The following SLC39A11 variants were observed in gnomAD, a reference collection of about 807,000 sequenced individuals.
SLC39A11 encodes the protein solute carrier family 39 member 11.
SLC39A11 carries 33 observed loss-of-function variants against 36.1 expected under a neutral mutation model. The observed-to-expected ratio is 0.91, with a 90% CI of 0.69 to 1.22. The LOEUF (loss-of-function observed/expected upper bound fraction) is 1.22. SLC39A11 is among the 50% of genes most tolerant of loss of function. The pLI, the probability that SLC39A11 is intolerant of heterozygous loss-of-function variation, is 0.00. For missense variants in SLC39A11, 432 were observed against 430.3 expected (o/e 1.00, Z -0.03); for synonymous variants, 166 against 170.3 (o/e 0.97, Z 0.20).
At chr17:73,050,552 C>T (rs529854766) in intron 3 of SLC39A11, among the ~76,000 whole-genome samples, 2 of 151,472 alleles carry the variant, frequency 1.3e-5, no homozygotes, top group East Asian at 1.9e-4. Flanking sequence ...CAACCTCTGC[C>T]TCCCGAGTTC....
intron 4 of SLC39A11, among the ~76,000 whole-genome samples, chr17:73,018,248 A>T (rs8075919): frequency 6.6e-6 from 1 of 152,072 alleles, no homozygotes; most frequent in Non-Finnish European, 1.5e-5. Flanking sequence ...AATATACAAT[A>T]AAAAATTACT....
At chr17:73,037,970 C>T (rs2058975249) in intron 3 of SLC39A11, among the ~76,000 whole-genome samples, 1 of 152,266 alleles carries the variant, frequency 6.6e-6, no homozygotes. Flanking sequence ...CGCCCATAAT[C>T]CAAGCACTTT....
At chr17:72,917,139 C>A (rs201697976) in intron 5 of SLC39A11, among the ~76,000 whole-genome samples, 1 of 152,202 alleles carries the variant, frequency 6.6e-6, no homozygotes, top group Non-Finnish European at 1.5e-5. Context: ...GATACCAATG[C>A]CAGTTCATAA....
Position 73,031,631 on chromosome 17 carries a change from G to A in SLC39A11, c.231C>T (p.Ala77=), listed in dbSNP as rs1598933138. The change falls in exon 4 of 10, where the codon GCC becomes GCT. Residue 77 remains alanine (A), a synonymous_variant. Transcript: ENST00000255559. ...ATSSGGFGAF[A]FFPVAVGFTL... is the part of the protein sequence containing the mutation. ...TGAAGCCAACAGCCACAGGGAAGAA[G>A]GCAAAGGCACCGAAGCCCCCAGAGG... 6.2e-7 allele frequency: 1 copy of A among 1,614,058 alleles called. No individual in the cohort carries two copies. Among genetic ancestry groups the A allele is most frequent in the African/African-American group, 1.3e-5 (1 of 74,914 alleles).
intron 6 of SLC39A11, among the ~76,000 whole-genome samples, chr17:72,802,590 CA>C (rs56050103): frequency 0.47 from 52,862 of 112,486 alleles, 12,275 homozygotes; most frequent in Middle Eastern, 0.6. Flanking sequence ...AACTCCATCT[CA>C]AAAAAAAAAA....
chr17:72,714,765 G>T (rs2143406897), intron 7 of SLC39A11, among the ~76,000 whole-genome samples: 1 of 152,356 alleles, frequency 6.6e-6, no homozygotes, highest in East Asian at 1.9e-4. Flanking sequence ...CTGTCAGGAA[G>T]GCGGATGACA....
intron 6 of SLC39A11, among the ~76,000 whole-genome samples, chr17:72,747,995 A>T (rs74253719): frequency 1.3e-5 from 2 of 152,204 alleles, no homozygotes; most frequent in East Asian, 3.8e-4. Context: ...TGAAAAATAG[A>T]AGTGTTCTAG....
chr17:73,092,462 T>G (rs961800889), intron 1 of SLC39A11, 149 bp downstream of exon 1: 2 of 141,632 alleles, frequency 1.4e-5, no homozygotes, highest in African/African-American at 5.1e-5. Context: ...GCCTCCAATT[T>G]CTCCTCCAAA....
rs142978250 is a variant in SLC39A11 at position 72,656,638 on chromosome 17, G to A, written c.672-7370C>T. Among the ~76,000 whole-genome samples the A allele has an allele frequency of 4.2e-3, 635 of 152,150 alleles. 2 individuals are homozygous for A. The highest frequency in any genetic ancestry group is 0.015 in the African/African-American group (605 of 41,506). On this transcript the variant is annotated intron_variant, in intron 7 of 9. Coordinates refer to ENST00000255559, the MANE Select transcript of SLC39A11 (RefSeq NM_139177.4). ...AGAGCAGCCCTGACAGGCCTCTCCC[G>A]GGGAGGTCTGTCTGCAGGGGCTGCC...
At position 72,957,680 on chromosome 17, in the gene SLC39A11, G is replaced by A. The variant is rs185430626; in HGVS notation, c.307-9805C>T. 8.0e-4 allele frequency among the ~76,000 whole-genome samples: 122 copies of A among 152,266 alleles called. 1 individual carries two copies. Among genetic ancestry groups the A allele is most frequent in the Admixed American group, 7.6e-3 (116 of 15,292 alleles). On this transcript the variant is annotated intron_variant, in intron 4 of 9. Transcript: ENST00000255559. ...CTAAAAATATAAAAATCAGCCAGGC[G>A]TGGTAGTGCACACTTGTAGTCCCAG...
chr17:72,807,620 A>AT (rs1467671506), intron 6 of SLC39A11, among the ~76,000 whole-genome samples: 6 of 152,210 alleles, frequency 3.9e-5, no homozygotes, highest in Admixed American at 2.6e-4. Flanking sequence ...ACAAGAAGAT[A>AT]TGATGAGTTT....
intron 3 of SLC39A11, among the ~76,000 whole-genome samples, chr17:73,080,662 A>G (rs2060478703): frequency 1.3e-5 from 2 of 152,208 alleles, no homozygotes; most frequent in African/African-American, 4.8e-5. Context: ...AAGCTTCTGT[A>G]GGTCAGGCAC....
At chr17:72,911,307 C>T (rs67913395) in intron 5 of SLC39A11, among the ~76,000 whole-genome samples, 77,307 of 151,234 alleles carry the variant, frequency 0.51, 19,718 homozygotes, top group African/African-American at 0.54. Context: ...AGGAGATATA[C>T]CTAATGTTAA....
intron 3 of SLC39A11, among the ~76,000 whole-genome samples, chr17:73,040,090 C>A (rs1306101358): frequency 2.0e-5 from 3 of 152,100 alleles, no homozygotes; most frequent in Non-Finnish European, 4.4e-5. Flanking sequence ...TAGCATTCCC[C>A]GATATTCTGA....
intron 6 of SLC39A11, among the ~76,000 whole-genome samples, chr17:72,819,959 T>C (rs2077708971): frequency 6.6e-6 from 1 of 151,122 alleles, no homozygotes; most frequent in African/African-American, 2.4e-5. Flanking sequence ...CTAGGCCCTG[T>C]GTTCCCTCTG....
At position 73,088,689 on chromosome 17, in the gene SLC39A11, C is replaced by T. The variant is rs375622892; in HGVS notation, c.76G>A (p.Ala26Thr). The change falls in exon 2 of 10, where the codon GCA becomes ACA. Residue 26 changes from alanine to threonine, a missense_variant. By Grantham distance (58) the Ala-to-Thr change is moderately conservative. Transcript: ENST00000255559. ...FFTWGMTAAG[A>T]ALVFVFSSGQ... ...CTAGAGAATACGAACACGAGAGCTGCCCCAGCTGCTGTCATCCCCCAGGTG... is the reference window on the plus strand; with the variant it reads ...CTAGAGAATACGAACACGAGAGCTGTCCCAGCTGCTGTCATCCCCCAGGTG... The T allele has an allele frequency of 1.2e-6, 2 of 1,612,696 alleles. No individual in the cohort carries two copies. The highest frequency in any genetic ancestry group is 1.7e-6 in the Non-Finnish European group (2 of 1,179,400).
chr17:72,779,497 G>T (rs1275535706), intron 6 of SLC39A11, among the ~76,000 whole-genome samples: 1 of 152,148 alleles, frequency 6.6e-6, no homozygotes, highest in African/African-American at 2.4e-5. Context: ...GGACCTCCCA[G>T]ACATCCTGGG....
At chr17:72,801,361 T>C (rs761115239) in intron 6 of SLC39A11, among the ~76,000 whole-genome samples, 12 of 152,188 alleles carry the variant, frequency 7.9e-5, no homozygotes, top group East Asian at 7.7e-4. Context: ...TCTGGGACTA[T>C]AGGCATGTGC....
chr17:73,066,595 T>C (rs181010524), intron 3 of SLC39A11, among the ~76,000 whole-genome samples: 1 of 152,208 alleles, frequency 6.6e-6, no homozygotes, highest in East Asian at 1.9e-4. Flanking sequence ...TGGCCCAGGC[T>C]TGGCCATTAA....
Sources: gnomAD v4.1 joint callset for allele counts (sites outside exome capture counted in the v4.1 genomes callset) on GRCh38, gnomAD v4.1.1 for gene constraint, MANE v1.5 for transcripts, NCBI Gene and HGNC (gene_info 2026-07-23, HGNC 2026-07-21) for gene names.